The following VWA1 variants were observed in gnomAD, a reference collection of about 807,000 sequenced individuals.
VWA1 encodes the protein von Willebrand factor A domain containing 1.
In VWA1, 12 loss-of-function variants were observed where a neutral mutation model predicts 14.9. The ratio of observed to expected loss-of-function variants is 0.80; its 90% CI spans 0.52 to 1.30. VWA1 has a LOEUF of 1.30. Ranked by LOEUF, VWA1 falls within the 50% of genes most tolerant of loss-of-function variation. The probability of loss-of-function intolerance (pLI) is 0.00; values close to 1 mark genes in which losing one functional copy is unlikely to be tolerated. For synonymous variants in VWA1, 368 were observed against 310.7 expected (o/e 1.18, Z -1.94); for missense variants, 800 against 649.1 (o/e 1.23, Z -2.53).
Position 1,437,315 on chromosome 1 carries a change from C to T in VWA1, c.462C>T (p.Pro154=), listed in dbSNP as rs1353073281. 1.9e-6 allele frequency: 3 copies of T among 1,611,710 alleles called. No homozygotes were observed. The highest frequency in any genetic ancestry group is 2.5e-6 in the Non-Finnish European group (3 of 1,179,524). The change falls in exon 2 of 3, where the codon CCC becomes CCT. Residue 154 remains proline (P), a synonymous_variant. Coordinates refer to ENST00000476993, the MANE Select transcript of VWA1 (RefSeq NM_022834.5). The part of the protein sequence containing the change: ...DGGSSDPVGP[P]MQELKDLGVT... The stretch of plus-strand genomic sequence containing the variant: ...GCTCCAGCGACCCTGTGGGCCCCCC[C>T]ATGCAGGAGCTCAAGGACCTGGGCG...
chr1:1,437,603 G>T, intron 2 of VWA1, 119 bp downstream of exon 2: 1 of 1,281,686 alleles, frequency 7.8e-7, no homozygotes, highest in Admixed American at 2.5e-5. Context: ...CTCCGGGGCT[G>T]TGGTACCCCT....
chr1:1,435,694 CCGAGCGAG>C lies in VWA1; in HGVS notation c.-38_-31del, dbSNP rs578075998. 7.8e-6 allele frequency: 9 copies of C among 1,157,370 alleles called. No homozygotes were observed. The highest frequency in any genetic ancestry group is 2.5e-5 in the South Asian group (1 of 39,238). 71.7% of individuals were successfully genotyped at this position (1,157,370 alleles called of 1,614,324 possible). On this transcript the variant is annotated 5_prime_UTR_variant, in exon 1 of 3. Transcript: ENST00000476993. ...CCGCGCGGTGACGCGCCCTGCAGCC[CCGAGCGAG>C]CGAGCGAGCGAGCGAGTTGCCGAGC... is the stretch of plus-strand genomic sequence containing the variant.
chr1:1,439,604 C>A lies in VWA1; in HGVS notation c.1155C>A (p.Arg385=). Residue 385 remains arginine (R), a synonymous_variant, in exon 3 of 3, where the codon CGC becomes CGA. Transcript: ENST00000476993. ...EAQRVEVPAG[R]NCTTLQGLAP... is the part of the protein sequence containing the mutation. The stretch of plus-strand genomic sequence containing the variant: ...AGCGGGTGGAGGTGCCCGCGGGCCG[C>A]AACTGCACCACGCTGCAGGGCCTGG... The A allele has an allele frequency of 7.7e-7, 1 of 1,305,532 alleles. No homozygotes were observed. Among genetic ancestry groups the A allele is most frequent in the South Asian group, 1.7e-5 (1 of 60,270 alleles). 80.9% of individuals were successfully genotyped at this position (1,305,532 alleles called of 1,614,324 possible).
intron 2 of VWA1, 80 bp downstream of exon 2, chr1:1,437,564 T>C (rs910435194): frequency 1.3e-5 from 20 of 1,514,698 alleles, no homozygotes; most frequent in Non-Finnish European, 1.8e-5. Flanking sequence ...TTTGGGAAGA[T>C]CTCATGTCCC....
Position 1,435,839 on chromosome 1 carries a change from C to T in VWA1, c.73+18C>T. ...GGAGCGCGGTGAGTGCGGCGGGCGG[C>T]CGGGCCGGGGCTGGGGCTTCTGGTG... is the stretch of plus-strand genomic sequence containing the variant. On this transcript the variant is annotated intron_variant, in intron 1 of 2. Coordinates refer to ENST00000476993, the MANE Select transcript of VWA1 (RefSeq NM_022834.5). The T allele has an allele frequency of 8.8e-7, 1 of 1,131,642 alleles. No individual in the cohort carries two copies. Among genetic ancestry groups the T allele is most frequent in the South Asian group, 3.3e-5 (1 of 30,376 alleles). The allele number at this position is 1,131,642 out of a possible 1,614,324, so 70.1% of individuals were successfully genotyped here.
In VWA1 at chr1:1,440,049, C is replaced by G. The variant is rs550134273; in HGVS notation, c.*262C>G. ...CCCAGAGCCGGGCGTCGTGTGGGTC[C>G]GTGGGTGATAATTGAGAGCGTCAGA... On this transcript the variant is annotated 3_prime_UTR_variant, in exon 3 of 3. Transcript: ENST00000476993. The G allele has an allele frequency of 4.3e-3, 892 of 208,918 alleles. 4 individuals are homozygous for G. The highest frequency in any genetic ancestry group is 6.2e-3 in the Non-Finnish European group (640 of 103,690). 12.9% of individuals were successfully genotyped at this position (208,918 alleles called of 1,614,324 possible).
chr1:1,435,910 T>C, intron 1 of VWA1, 89 bp downstream of exon 1: 5 of 145,912 alleles, frequency 3.4e-5, no homozygotes, highest in Admixed American at 7.0e-5. Context: ...TGTCCCCTGC[T>C]CCGGACGGGC....
At chr1:1,438,990 A>T in intron 2 of VWA1, 91 bp from the exon 3 acceptor site, 1 of 1,461,690 alleles carries the variant, frequency 6.8e-7, no homozygotes, top group Non-Finnish European at 9.0e-7. Context: ...TGGGGCCTCC[A>T]ATCTCCAGAT....
chr1:1,439,658 G>A lies in VWA1; in HGVS notation c.1209G>A (p.Val403=). The A allele has an allele frequency of 1.5e-6, 2 of 1,321,034 alleles. No individual in the cohort carries two copies. Among genetic ancestry groups the A allele is most frequent in the Non-Finnish European group, 1.9e-6 (2 of 1,027,780 alleles). 81.8% of individuals were successfully genotyped at this position (1,321,034 alleles called of 1,614,324 possible). Residue 403 remains valine, a synonymous_variant, in exon 3 of 3, where the codon GTG becomes GTA. Transcript: ENST00000476993. The part of the protein sequence containing the change: ...LAPGTAYLVT[V]TAAFRSGRES... ...CGGGCACCGCCTACCTGGTGACCGT[G>A]ACCGCCGCCTTCCGCTCGGGCCGCG...
rs748535013 is a variant in VWA1 at position 1,437,425 on chromosome 1, A to G, written c.572A>G (p.His191Arg). 14 of 1,612,568 alleles carry G rather than the reference A, an allele frequency of 8.7e-6. No individual in the cohort carries two copies. The highest frequency in any genetic ancestry group is 1.2e-5 in the Non-Finnish European group (14 of 1,179,918). ...AASAPAEKHL[H>R]FVDVDDLHII... is the part of the protein sequence containing the mutation. ...TCAGCCCCTGCCGAGAAGCACCTGC[A>G]CTTTGTGGACGTGGATGACCTGCAC... The change falls in exon 2 of 3, where the codon CAC becomes CGC. Residue 191 changes from histidine to arginine, a missense_variant. Physicochemically the swap from His to Arg is conservative, Grantham distance 29. Transcript: ENST00000476993.
In VWA1 at chr1:1,437,258, G is replaced by A; in HGVS notation, c.405G>A (p.Val135=). 6.2e-7 allele frequency: 1 copy of A among 1,610,268 alleles called. No homozygotes were observed. Among genetic ancestry groups the A allele is most frequent in the Non-Finnish European group, 8.5e-7 (1 of 1,178,888 alleles). ...FAEASGARPG[V]PKVLVWVTDG... ...AAGCATCAGGTGCCCGGCCAGGGGT[G>A]CCCAAAGTGCTGGTGTGGGTGACAG... The change falls in exon 2 of 3, where the codon GTG becomes GTA. Residue 135 remains valine (V), a synonymous_variant. Transcript: ENST00000476993.
In VWA1 at chr1:1,441,040, C is replaced by G. The variant is rs1192788334; in HGVS notation, c.*1253C>G. On this transcript the variant is annotated 3_prime_UTR_variant, in exon 3 of 3. Coordinates refer to ENST00000476993, the MANE Select transcript of VWA1 (RefSeq NM_022834.5). ...ATTCCCACCGCAGTCTCTGCCACGG[C>G]CCGGAGCCCTGGGCCCAGGGCCACG... 1 of 152,134 alleles carries G rather than the reference C, an allele frequency of 6.6e-6. No homozygotes were observed. The highest frequency in any genetic ancestry group is 1.5e-5 in the Non-Finnish European group (1 of 68,024). 9.4% of individuals were successfully genotyped at this position (152,134 alleles called of 1,614,324 possible). A position where few individuals can be genotyped will look rare whatever the true frequency, so the allele number is the denominator to read the frequency against.
chr1:1,440,896 C>T lies in VWA1; in HGVS notation c.*1109C>T, dbSNP rs770574987. On this transcript the variant is annotated 3_prime_UTR_variant, in exon 3 of 3. Transcript: ENST00000476993. Reference sequence around the variant, plus strand: ...GAGCTGTCCCCTCCCAGTGTCAGGCCTCCTTGGTCCTCATGTGCACCTTTT... The same window carrying T: ...GAGCTGTCCCCTCCCAGTGTCAGGCTTCCTTGGTCCTCATGTGCACCTTTT... 1 of 152,318 alleles carries T rather than the reference C, an allele frequency of 6.6e-6. No homozygotes were observed. The highest frequency in any genetic ancestry group is 1.5e-5 in the Non-Finnish European group (1 of 68,118). 9.4% of individuals were successfully genotyped at this position (152,318 alleles called of 1,614,324 possible). A position where few individuals can be genotyped will look rare whatever the true frequency, so the allele number is the denominator to read the frequency against.
chr1:1,439,639 C>A lies in VWA1; in HGVS notation c.1190C>A (p.Thr397Asn). Reference sequence around the variant, plus strand: ...ACGCTGCAGGGCCTGGCGCCGGGCACCGCCTACCTGGTGACCGTGACCGCC... The same window carrying A: ...ACGCTGCAGGGCCTGGCGCCGGGCAACGCCTACCTGGTGACCGTGACCGCC... ...CTTLQGLAPG[T>N]AYLVTVTAAF... Residue 397 changes from threonine to asparagine, a missense_variant, in exon 3 of 3, where the codon ACC (threonine) becomes AAC (asparagine). Transcript: ENST00000476993. 1 of 1,324,598 alleles carries A rather than the reference C, an allele frequency of 7.5e-7. No individual in the cohort carries two copies. The highest frequency in any genetic ancestry group is 1.5e-5 in the South Asian group (1 of 66,946). The allele number at this position is 1,324,598 out of a possible 1,614,324, so 82.1% of individuals were successfully genotyped here. A position where few individuals can be genotyped will look rare whatever the true frequency, so the allele number is the denominator to read the frequency against.
In VWA1 at chr1:1,439,146, C is replaced by A. The variant is rs756449219; in HGVS notation, c.697C>A (p.Pro233Thr). The A allele has an allele frequency of 1.4e-5, 22 of 1,602,296 alleles. No homozygotes were observed. Among genetic ancestry groups the A allele is most frequent in the Non-Finnish European group, 1.7e-5 (20 of 1,179,344 alleles). Reference protein sequence around the residue: ...ITSSGFRLAWPPLLTADSGYY... With the variant: ...ITSSGFRLAWTPLLTADSGYY... ...GTCCAGCGGCTTCCGCCTGGCCTGG[C>A]CACCCCTGCTGACCGCAGACTCGGG... Residue 233 changes from proline (P) to threonine (T), a missense_variant, in exon 3 of 3, where the codon CCA (proline) becomes ACA (threonine). Physicochemically the swap from Pro to Thr is conservative, Grantham distance 38. Transcript: ENST00000476993.
Position 1,439,421 on chromosome 1 carries a change from C to T in VWA1, c.972C>T (p.Leu324=). The T allele has an allele frequency of 1.4e-6, 2 of 1,410,210 alleles. No individual in the cohort carries two copies. The highest frequency in any genetic ancestry group is 1.8e-6 in the Non-Finnish European group (2 of 1,094,642). The allele number at this position is 1,410,210 out of a possible 1,614,324, so 87.4% of individuals were successfully genotyped here. Residue 324 remains leucine (L), a synonymous_variant, in exon 3 of 3, where the codon CTC becomes CTT. Transcript: ENST00000476993. ...ESGAGPAPTQ[L]AALPAPEEAG... is the part of the protein sequence containing the mutation. ...GGGCTGGGCCGGCCCCCACGCAGCT[C>T]GCCGCCCTCCCCGCCCCAGAGGAGG...
chr1:1,439,538 C>A lies in VWA1; in HGVS notation c.1089C>A (p.Gly363=). The A allele has an allele frequency of 1.5e-6, 2 of 1,349,168 alleles. No homozygotes were observed. Among genetic ancestry groups the A allele is most frequent in the South Asian group, 1.6e-5 (1 of 62,546 alleles). The allele number at this position is 1,349,168 out of a possible 1,614,324, so 83.6% of individuals were successfully genotyped here. A position where few individuals can be genotyped will look rare whatever the true frequency, so the allele number is the denominator to read the frequency against. ...CGCTGGGCTCAGCCGCGGCGCTCGG[C>A]TACCACGTGCAGTTCGGGCCGCTGC... The part of the protein sequence containing the change: ...APALGSAAAL[G]YHVQFGPLRG... The change falls in exon 3 of 3, where the codon GGC becomes GGA. Residue 363 remains glycine (G), a synonymous_variant. Transcript: ENST00000476993.
rs1638605088 is a variant in VWA1 at position 1,439,197 on chromosome 1, A to G, written c.748A>G (p.Ser250Gly). The G allele has an allele frequency of 1.2e-6, 2 of 1,606,356 alleles. No individual in the cohort carries two copies. Among genetic ancestry groups the G allele is most frequent in the Non-Finnish European group, 1.7e-6 (2 of 1,179,350 alleles). The change falls in exon 3 of 3, where the codon AGC becomes GGC. Residue 250 changes from serine (S) to glycine (G), a missense_variant. By Grantham distance (56) the Ser-to-Gly change is moderately conservative. Transcript: ENST00000476993. ...CTACTATGTGCTGGAGCTGGTGCCC[A>G]GCGCCCAGCCGGGGGCTGCAAGACG... Reference protein sequence around the residue: ...SGYYVLELVPSAQPGAARRQQ... With the variant: ...SGYYVLELVPGAQPGAARRQQ...
rs1381711717 is a variant in VWA1, at chr1:1,440,677, G to A, written c.*890G>A. On this transcript the variant is annotated 3_prime_UTR_variant, in exon 3 of 3. Coordinates refer to ENST00000476993, the MANE Select transcript of VWA1 (RefSeq NM_022834.5). ...CCTAGCCAGGTGCAGTCCCCGCCCC[G>A]CCTAGTCCTCGGCGTCACGCAATGC... 4.8e-5 allele frequency: 8 copies of A among 166,844 alleles called. No homozygotes were observed. Among genetic ancestry groups the A allele is most frequent in the African/African-American group, 1.2e-4 (5 of 41,434 alleles). 10.3% of individuals were successfully genotyped at this position (166,844 alleles called of 1,614,324 possible).
Sources: allele counts gnomAD v4.1 joint callset, GRCh38; gene constraint gnomAD v4.1.1; transcripts MANE v1.5; gene names NCBI Gene and HGNC (gene_info 2026-07-23, HGNC 2026-07-21).